Variants in SLC8A1 observed in about 807,000 individuals in gnomAD.
The protein encoded by SLC8A1 is solute carrier family 8 member A1.
A neutral mutation model predicts 68.3 loss-of-function variants in SLC8A1; 18 were observed. The ratio of observed to expected loss-of-function variants is 0.26; its 90% CI spans 0.18 to 0.39. The LOEUF is 0.39. Among genes scored for constraint, SLC8A1 ranks in the 10% least tolerant of loss-of-function variants. The probability of loss-of-function intolerance (pLI) is 1.00; values close to 1 mark genes in which losing one functional copy is unlikely to be tolerated. For synonymous variants in SLC8A1, 475 were observed against 415.5 expected, an observed-to-expected ratio of 1.14 and a Z score of -1.74; for missense variants, 985 against 1,156.7, an observed-to-expected ratio of 0.85 and a Z score of 2.15.
intron 6 of SLC8A1, among the ~76,000 whole-genome samples, chr2:40,143,921 C>T (rs914062808): frequency 6.6e-6 from 1 of 152,156 alleles, no homozygotes; most frequent in African/African-American, 2.4e-5. Flanking sequence ...ATAGTTCTGA[C>T]AGCTTGTTTT....
chr2:40,295,168 T>G (rs1169302608), intron 2 of SLC8A1, among the ~76,000 whole-genome samples: 1 of 152,080 alleles, frequency 6.6e-6, no homozygotes, highest in Non-Finnish European at 1.5e-5. Context: ...GGTGCAATCA[T>G]GGCTCACTGC....
chr2:40,238,139 C>T (rs997454013), intron 2 of SLC8A1, among the ~76,000 whole-genome samples: 61 of 152,226 alleles, frequency 4.0e-4, no homozygotes, highest in Admixed American at 2.3e-3. Context: ...CCACCCAGTT[C>T]GAGCTTCCCG....
At chr2:40,389,066 A>G in intron 2 of SLC8A1, among the ~76,000 whole-genome samples, 1 of 150,520 alleles carries the variant, frequency 6.6e-6, no homozygotes, top group Non-Finnish European at 1.5e-5. Context: ...ATGTGGCTAT[A>G]TATTTTTTGC....
chr2:40,506,211 G>A (rs768896678), intron 1 of SLC8A1, among the ~76,000 whole-genome samples: 12 of 150,352 alleles, frequency 8.0e-5, no homozygotes, highest in South Asian at 2.1e-4. Flanking sequence ...AGTTTACAAC[G>A]TTGGTGAATT....
At chr2:40,154,701 T>C (rs1446624490) in intron 6 of SLC8A1, among the ~76,000 whole-genome samples, 2 of 152,046 alleles carry the variant, frequency 1.3e-5, no homozygotes, top group African/African-American at 4.8e-5. Context: ...AGGGTCTTAC[T>C]CTGTAGCCTA....
chr2:40,120,924 T>C (rs1362870628), intron 7 of SLC8A1: 1 of 152,232 alleles, frequency 6.6e-6, no homozygotes, highest in Non-Finnish European at 1.5e-5. Context: ...GTTAATAGTG[T>C]TAGAAGTACC....
At position 40,367,637 on chromosome 2, in the gene SLC8A1, C is replaced by T. The variant is rs571157985; in HGVS notation, c.1808+60836G>A. On this transcript the variant is annotated intron_variant, in intron 2 of 7. Transcript: ENST00000406785. Reference sequence around the variant, plus strand: ...TGTGTGCTGCTCCGCCATAATTGTTCGCCATCTCATCTAGATGCCTCCAGA... The same window carrying T: ...TGTGTGCTGCTCCGCCATAATTGTTTGCCATCTCATCTAGATGCCTCCAGA... Among the ~76,000 whole-genome samples, 49 of 151,948 alleles carry T rather than the reference C, an allele frequency of 3.2e-4. 1 individual carries two copies. Among genetic ancestry groups the T allele is most frequent in the Non-Finnish European group, 4.0e-4 (27 of 67,962 alleles).
intron 6 of SLC8A1, among the ~76,000 whole-genome samples, chr2:40,147,168 T>A (rs1174460626): frequency 6.6e-6 from 1 of 152,226 alleles, no homozygotes; most frequent in Non-Finnish European, 1.5e-5. Flanking sequence ...CCATGCAAGT[T>A]CGATTATTAC....
chr2:40,308,893 G>A (rs78726820), intron 2 of SLC8A1, among the ~76,000 whole-genome samples: 1 of 152,168 alleles, frequency 6.6e-6, no homozygotes, highest in African/African-American at 2.4e-5. Context: ...AGAGAAGACA[G>A]AGCATAAATC....
In SLC8A1 at chr2:40,222,198, A is replaced by T. The variant is rs754942765; in HGVS notation, c.1809-44343T>A. ...TATATATATATACCAGTGGAACAGA[A>T]CAGAGGCCTCAGAAATAATACCACA... On this transcript the variant is annotated intron_variant, in intron 2 of 7. Transcript: ENST00000406785. Among the ~76,000 whole-genome samples, 33 of 152,288 alleles carry T rather than the reference A, an allele frequency of 2.2e-4. 1 individual carries two copies. The highest frequency in any genetic ancestry group is 4.4e-4 in the Non-Finnish European group (30 of 68,020).
intron 2 of SLC8A1, among the ~76,000 whole-genome samples, chr2:40,241,209 G>C (rs149240500): frequency 2.0e-5 from 3 of 152,282 alleles, no homozygotes; most frequent in African/African-American, 4.8e-5. Context: ...TGATATGGAT[G>C]CAAGTGGAGG....
intron 2 of SLC8A1, among the ~76,000 whole-genome samples, chr2:40,333,001 C>A (rs1183926676): frequency 6.6e-6 from 1 of 152,158 alleles, no homozygotes; most frequent in East Asian, 1.9e-4. Flanking sequence ...AAAAATGTAG[C>A]TTTCTCTTCC....
chr2:40,116,828 T>C (rs2035532986), intron 7 of SLC8A1: 2 of 152,208 alleles, frequency 1.3e-5, no homozygotes, highest in African/African-American at 2.4e-5. Flanking sequence ...GATAGGAAAA[T>C]CTTGGTCCAC....
chr2:40,450,907 G>A (rs953304316), intron 1 of SLC8A1, among the ~76,000 whole-genome samples: 6 of 152,062 alleles, frequency 3.9e-5, no homozygotes, highest in Admixed American at 6.5e-5. Flanking sequence ...CCACTTTGGA[G>A]AGGGAAATAC....
intron 2 of SLC8A1, among the ~76,000 whole-genome samples, chr2:40,248,183 G>A (rs189986636): frequency 1.3e-5 from 2 of 152,156 alleles, no homozygotes; most frequent in Non-Finnish European, 2.9e-5. Flanking sequence ...CTCAACTATG[G>A]ATTAAAAATA....
chr2:40,332,024 A>G (rs1266601063), intron 2 of SLC8A1, among the ~76,000 whole-genome samples: 1 of 151,902 alleles, frequency 6.6e-6, no homozygotes, highest in Admixed American at 6.6e-5. Context: ...ATCACAGTTC[A>G]CTGTAACCTC....
chr2:40,137,803 G>C (rs1293231456), intron 7 of SLC8A1, among the ~76,000 whole-genome samples: 2 of 152,042 alleles, frequency 1.3e-5, no homozygotes, highest in Admixed American at 1.3e-4. Context: ...TAAGGTGAAA[G>C]TAAGAGAACC....
chr2:40,433,983 C>T lies in SLC8A1; in HGVS notation c.-24-3679G>A, dbSNP rs568322384. ...ATGTAACATGAGGGCTAGCATGTTC[C>T]TAGAGACAGCTGCCCTTCAATCTGG... is the stretch of plus-strand genomic sequence containing the variant. On this transcript the variant is annotated intron_variant, in intron 1 of 7. Coordinates refer to ENST00000406785, the Ensembl canonical transcript of SLC8A1. Among the ~76,000 whole-genome samples, 55 of 152,292 alleles carry T rather than the reference C, an allele frequency of 3.6e-4. 1 individual carries two copies. The highest frequency in any genetic ancestry group is 1.1e-3 in the African/African-American group (47 of 41,574).
At chr2:40,230,583 A>C (rs1381213923) in intron 2 of SLC8A1, among the ~76,000 whole-genome samples, 3 of 152,198 alleles carry the variant, frequency 2.0e-5, no homozygotes, top group Non-Finnish European at 4.4e-5. Context: ...TGTGCAAATT[A>C]GAAATGGTTC....
Sources: gnomAD v4.1 joint callset for allele counts (sites outside exome capture counted in the v4.1 genomes callset) on GRCh38, gnomAD v4.1.1 for gene constraint, MANE v1.5 for transcripts, NCBI Gene and HGNC (gene_info 2026-07-23, HGNC 2026-07-21) for gene names.